The following KIF15 variants were observed in gnomAD, a reference collection of about 807,000 sequenced individuals.
KIF15 encodes the protein kinesin family member 15, also known as kinesin-like protein KIF15.
A neutral mutation model predicts 190.6 loss-of-function variants in KIF15; 140 were observed. That is an observed-to-expected ratio of 0.73 (90% CI 0.64 to 0.84). The LOEUF (loss-of-function observed/expected upper bound fraction) is 0.84. Ranked by LOEUF, KIF15 falls within the 40% of genes least tolerant of loss-of-function variation. The pLI, the probability that KIF15 is intolerant of heterozygous loss-of-function variation, is 0.00. For synonymous variants in KIF15, 528 were observed against 551.3 expected, an observed-to-expected ratio of 0.96 and a Z score of 0.59; for missense variants, 1,372 against 1,584.4, an observed-to-expected ratio of 0.87 and a Z score of 2.28.
At chr3:44,864,612 C>G (rs867589502) in intron 6 of KIF15, among the ~76,000 whole-genome samples, 1 of 152,162 alleles carries the variant, frequency 6.6e-6, no homozygotes, top group African/African-American at 2.4e-5. Flanking sequence ...ATTCTGAAGT[C>G]ACTGTGCATC....
intron 1 of KIF15, among the ~76,000 whole-genome samples, chr3:44,762,348 T>TA (rs1341149111): frequency 1.3e-5 from 2 of 152,218 alleles, no homozygotes; most frequent in Non-Finnish European, 2.9e-5. Flanking sequence ...TTTCCTTAAA[T>TA]AAATGGAATG....
chr3:44,807,078 G>A (rs1015446122), intron 16 of KIF15, among the ~76,000 whole-genome samples: 8 of 152,116 alleles, frequency 5.3e-5, no homozygotes, highest in Non-Finnish European at 1.2e-4. Flanking sequence ...AAATAGAGAA[G>A]ACCGAAAACC....
At chr3:44,785,073 A>T (rs1706345294) in intron 6 of KIF15, 131 bp downstream of exon 6, 1 of 484,150 alleles carries the variant, frequency 2.1e-6, no homozygotes, top group Non-Finnish European at 3.6e-6. Flanking sequence ...AGCGTGGCAT[A>T]AAAAAAAACC....
At chr3:44,817,615 C>A (rs1335519292) in intron 20 of KIF15, among the ~76,000 whole-genome samples, 3 of 152,174 alleles carry the variant, frequency 2.0e-5, no homozygotes, top group Non-Finnish European at 4.4e-5. Flanking sequence ...TGTTTTGGTA[C>A]CAGTACCATG....
At position 44,841,263 on chromosome 3, in the gene KIF15, A is replaced by G. The variant is rs1281884714; in HGVS notation, c.3585+25A>G. 6 of 1,575,710 alleles carry G rather than the reference A, an allele frequency of 3.8e-6. No individual in the cohort carries two copies. The Admixed American group carries it at 5.7e-5, about 15-fold the overall frequency. On this transcript the variant is annotated intron_variant, in intron 29 of 34. Coordinates refer to ENST00000326047, the MANE Select transcript of KIF15 (RefSeq NM_020242.3). Reference sequence around the variant, plus strand: ...GGTAATTGGATTTTTTTTCCAGTAAATTTAATTATTTTTAAAGAGACCAAG... The same window carrying G: ...GGTAATTGGATTTTTTTTCCAGTAAGTTTAATTATTTTTAAAGAGACCAAG...
chr3:44,798,557 T>C (rs1707107423), intron 10 of KIF15, among the ~76,000 whole-genome samples: 1 of 151,894 alleles, frequency 6.6e-6, no homozygotes, highest in Non-Finnish European at 1.5e-5. Flanking sequence ...GTGATCCGTC[T>C]GCCTTGGCCT....
At position 44,761,810 on chromosome 3, in the gene KIF15, G is replaced by A; in HGVS notation, c.-56G>A. ...GCGGAATTCAGTCGCGCGCGGTGCA[G>A]TCGGGAGGTGGAGGCACCGGCTGCA... On this transcript the variant is annotated 5_prime_UTR_variant, in exon 1 of 35. Transcript: ENST00000326047. The A allele has an allele frequency of 6.2e-7, 1 of 1,613,508 alleles. No individual in the cohort carries two copies. Among genetic ancestry groups the A allele is most frequent in the Non-Finnish European group, 8.5e-7 (1 of 1,179,446 alleles).
intron 29 of KIF15, among the ~76,000 whole-genome samples, chr3:44,841,502 G>A (rs1024576209): frequency 9.3e-5 from 14 of 151,336 alleles, no homozygotes; most frequent in African/African-American, 9.7e-5. Flanking sequence ...GGTTCACAGC[G>A]TTCTCCTGCC....
Position 44,815,047 on chromosome 3 carries a change from G to A in KIF15, c.2520G>A (p.Met840Ile). 2.5e-6 allele frequency: 4 copies of A among 1,603,172 alleles called. No homozygotes were observed. In the African/African-American group the frequency reaches 5.4e-5, roughly 22 times the overall value. The change falls in exon 20 of 35, where the codon ATG becomes ATA. Residue 840 changes from methionine (M) to isoleucine (I), a missense_variant. By Grantham distance (10) the Met-to-Ile change is conservative. Coordinates refer to ENST00000326047, the MANE Select transcript of KIF15 (RefSeq NM_020242.3). ...TCAACAAACTTTCCGAAAGACACAT[G>A]CATGTACAGCTTCAATTAGATAATC... ...KEFNKLSERH[M>I]HVQLQLDNLR...
chr3:44,790,229 G>A (rs1430846642), intron 7 of KIF15, among the ~76,000 whole-genome samples: 1 of 151,974 alleles, frequency 6.6e-6, no homozygotes, highest in Non-Finnish European at 1.5e-5. Flanking sequence ...CAAGGCTAGA[G>A]TGTAGTGGTG....
intron 32 of KIF15, among the ~76,000 whole-genome samples, chr3:44,850,007 C>T (rs906320864): frequency 8.5e-5 from 13 of 152,264 alleles, no homozygotes; most frequent in Admixed American, 4.6e-4. Context: ...CAACTCTATT[C>T]GTATTTTCTG....
At chr3:44,802,741 G>T in intron 13 of KIF15, 73 bp from the exon 14 acceptor site, 1 of 1,430,220 alleles carries the variant, frequency 7.0e-7, no homozygotes, top group Non-Finnish European at 9.3e-7. Context: ...TTTTCTAATG[G>T]CTTTTTAGAG....
At chr3:44,767,855 A>G (rs1241551829) in intron 1 of KIF15, among the ~76,000 whole-genome samples, 3 of 144,316 alleles carry the variant, frequency 2.1e-5, no homozygotes, top group African/African-American at 7.8e-5. Flanking sequence ...AGATTGCGCC[A>G]CTGCACTCCA....
At chr3:44,817,477 G>A (rs577871535) in intron 20 of KIF15, among the ~76,000 whole-genome samples, 1 of 152,228 alleles carries the variant, frequency 6.6e-6, no homozygotes, top group African/African-American at 2.4e-5. Context: ...AGTTTTCCCA[G>A]CACCATTTAT....
chr3:44,797,493 A>G (rs1707043923), intron 8 of KIF15, 58 bp from the exon 9 acceptor site: 2 of 1,570,964 alleles, frequency 1.3e-6, no homozygotes, highest in South Asian at 1.1e-5. Context: ...TTTTCATTCA[A>G]AATACCAAAG....
intron 1 of KIF15, among the ~76,000 whole-genome samples, chr3:44,766,776 A>T (rs1229385660): frequency 1.4e-5 from 2 of 146,228 alleles, no homozygotes; most frequent in Admixed American, 1.4e-4. Flanking sequence ...ACATTTCCAG[A>T]GGCTTTAATT....
chr3:44,815,025 A>G lies in KIF15; in HGVS notation c.2498A>G (p.Asn833Ser). 1 of 1,612,036 alleles carries G rather than the reference A, an allele frequency of 6.2e-7. No individual in the cohort carries two copies. The highest frequency in any genetic ancestry group is 8.5e-7 in the Non-Finnish European group (1 of 1,179,406). The stretch of plus-strand genomic sequence containing the variant: ...AAAACGAATCAGGAGAAAGAATTCA[A>G]CAAACTTTCCGAAAGACACATGCAT... ...SFKTNQEKEF[N>S]KLSERHMHVQ... The change falls in exon 20 of 35, where the codon AAC becomes AGC. Residue 833 changes from asparagine to serine, a missense_variant. Coordinates refer to ENST00000326047, the MANE Select transcript of KIF15 (RefSeq NM_020242.3).
chr3:44,813,009 A>G (rs935033061), intron 18 of KIF15, 66 bp from the exon 19 acceptor site: 2 of 947,576 alleles, frequency 2.1e-6, no homozygotes, highest in African/African-American at 1.7e-5. Context: ...AAACAGGTTA[A>G]TGATTTGGAG....
At chr3:44,844,803 C>T (rs984630824) in intron 30 of KIF15, among the ~76,000 whole-genome samples, 6 of 152,210 alleles carry the variant, frequency 3.9e-5, no homozygotes, top group African/African-American at 1.4e-4. Flanking sequence ...AAACACCAAG[C>T]ATTCCAGGGC....
Sources: gnomAD v4.1 joint callset for allele counts (sites outside exome capture counted in the v4.1 genomes callset) on GRCh38, gnomAD v4.1.1 for gene constraint, MANE v1.5 for transcripts, NCBI Gene and HGNC (gene_info 2026-07-23, HGNC 2026-07-21) for gene names.